PCYT1B: variants seen among roughly 807,000 people sequenced by gnomAD.
PCYT1B encodes the protein choline-phosphate cytidylyltransferase B.
A neutral mutation model predicts 26.4 loss-of-function variants in PCYT1B; 10 were observed. The ratio of observed to expected loss-of-function variants is 0.38; its 90% CI spans 0.23 to 0.64. The LOEUF is 0.64. Among genes scored for constraint, PCYT1B ranks in the 30% least tolerant of loss-of-function variants. PCYT1B has a pLI of 0.56. For synonymous variants in PCYT1B, 131 were observed against 108.4 expected, an observed-to-expected ratio of 1.21 and a Z score of -1.29; for missense variants, 161 against 292.7, an observed-to-expected ratio of 0.55 and a Z score of 3.28.
At chrX:24,570,189 GAAAA>G (rs1176471313) in intron 7 of PCYT1B, among the ~76,000 whole-genome samples, 1 of 31,694 alleles carries the variant, frequency 3.2e-5, no homozygotes, top group Non-Finnish European at 6.0e-5. Flanking sequence ...CTCAGTCTCA[GAAAA>G]AAAAAAAAAA....
intron 1 of PCYT1B, among the ~76,000 whole-genome samples, chrX:24,626,241 T>C (rs1925880388): frequency 8.9e-6 from 1 of 112,395 alleles, no homozygotes. Context: ...TTAAAAGTAG[T>C]TTGTCATTCA....
chrX:24,597,106 A>G (rs1235566226), intron 3 of PCYT1B, among the ~76,000 whole-genome samples: 1 of 109,486 alleles, frequency 9.1e-6, no homozygotes, highest in Non-Finnish European at 1.9e-5. Context: ...ATGGACACAC[A>G]CAGACTTTTC....
intron 1 of PCYT1B, among the ~76,000 whole-genome samples, chrX:24,661,547 A>G (rs1272242543): frequency 1.8e-5 from 2 of 111,939 alleles, no homozygotes; most frequent in African/African-American, 6.5e-5. Flanking sequence ...CCTGGCTTTG[A>G]TCACACCTCT....
rs1433311369 is a variant in PCYT1B at position 24,559,010 on chromosome X, A to G, written c.*3283T>C. On this transcript the variant is annotated 3_prime_UTR_variant, in exon 8 of 8. Coordinates refer to ENST00000379144, the MANE Select transcript of PCYT1B (RefSeq NM_004845.5). Reference sequence around the variant, plus strand: ...CTCTTCACCTGTCAGGGGGTGAGTTAACACTTGAAAGGGAGCGGAAAATCG... The same window carrying G: ...CTCTTCACCTGTCAGGGGGTGAGTTGACACTTGAAAGGGAGCGGAAAATCG... 8.9e-6 allele frequency: 1 copy of G among 112,103 alleles called. No individual in the cohort carries two copies. Among genetic ancestry groups the G allele is most frequent in the Non-Finnish European group, 1.9e-5 (1 of 53,224 alleles). 9.2% of individuals were successfully genotyped at this position (112,103 alleles called of 1,213,427 possible).
chrX:24,651,938 C>T (rs1393258417), upstream of PCYT1B, among the ~76,000 whole-genome samples: 1 of 111,208 alleles, frequency 9.0e-6, no homozygotes, highest in Non-Finnish European at 1.9e-5. Flanking sequence ...TAGAAAGATG[C>T]ACAGACCTCA....
chrX:24,666,869 C>T (rs1334732261), intron 1 of PCYT1B, among the ~76,000 whole-genome samples: 1 of 110,928 alleles, frequency 9.0e-6, no homozygotes, highest in African/African-American at 3.3e-5. Flanking sequence ...AAGATAAACT[C>T]ATAAGACTTA....
intron 1 of PCYT1B, among the ~76,000 whole-genome samples, chrX:24,631,147 C>A (rs1926076703): frequency 9.0e-6 from 1 of 111,337 alleles, no homozygotes; most frequent in African/African-American, 3.3e-5. Context: ...TGGTCTTGAT[C>A]TCCTGACCTC....
In PCYT1B at chrX:24,565,547, T is replaced by C. The variant is rs1189099986; in HGVS notation, c.898-3042A>G. 3.6e-5 allele frequency among the ~76,000 whole-genome samples: 4 copies of C among 110,152 alleles called. No individual in the cohort carries two copies. In the East Asian group the frequency reaches 8.6e-4, roughly 24 times the overall value. On this transcript the variant is annotated intron_variant, in intron 7 of 7. Transcript: ENST00000379144. The stretch of plus-strand genomic sequence containing the variant: ...CTAAGTAAGGAGTACTAAGTCTAAG[T>C]TGCTTAGTGTGGCCAGAACCCCAAA...
At chrX:24,576,840 T>G (rs1381527782) in intron 6 of PCYT1B, among the ~76,000 whole-genome samples, 1 of 111,623 alleles carries the variant, frequency 9.0e-6, no homozygotes, top group East Asian at 2.8e-4. Flanking sequence ...TCCTCATTTC[T>G]ATGTTGGACA....
intron 2 of PCYT1B, among the ~76,000 whole-genome samples, chrX:24,617,743 C>T (rs1336047197): frequency 1.8e-5 from 2 of 111,215 alleles, no homozygotes; most frequent in Middle Eastern, 4.2e-3. Flanking sequence ...CCACCGCGCC[C>T]GGCCGAGTTA....
At chrX:24,661,155 C>T (rs964413067) in intron 1 of PCYT1B, among the ~76,000 whole-genome samples, 5 of 111,915 alleles carry the variant, frequency 4.5e-5, no homozygotes, top group African/African-American at 9.7e-5. Flanking sequence ...TTGATGGAAA[C>T]GTATCTAATG....
At chrX:24,605,943 A>C (rs1305200504) in intron 3 of PCYT1B, among the ~76,000 whole-genome samples, 2 of 106,941 alleles carry the variant, frequency 1.9e-5, no homozygotes, top group African/African-American at 6.8e-5. Context: ...AATCCCAGCT[A>C]CTTGGGAGGC....
chrX:24,624,341 T>C (rs1388672460), intron 1 of PCYT1B, among the ~76,000 whole-genome samples: 1 of 112,213 alleles, frequency 8.9e-6, no homozygotes, highest in African/African-American at 3.2e-5. Context: ...ACCTCCATTA[T>C]TTAATATCCC....
chrX:24,615,115 C>T (rs766220626), intron 2 of PCYT1B, among the ~76,000 whole-genome samples: 17 of 112,061 alleles, frequency 1.5e-4, no homozygotes, highest in African/African-American at 4.5e-4. Flanking sequence ...CCACCGCCCT[C>T]GGCCTGATAT....
chrX:24,623,169 G>T (rs1416290942), intron 1 of PCYT1B, among the ~76,000 whole-genome samples: 4 of 109,949 alleles, frequency 3.6e-5, no homozygotes, highest in Non-Finnish European at 5.7e-5. Context: ...ATGGGAGAAG[G>T]TATTCGTTTG....
chrX:24,624,079 C>T (rs890752067), intron 1 of PCYT1B, among the ~76,000 whole-genome samples: 1 of 107,627 alleles, frequency 9.3e-6, no homozygotes, highest in Admixed American at 1.0e-4. Context: ...ATGCCATTCT[C>T]CTGCCTCAGC....
At chrX:24,577,203 C>T (rs1284120545) in intron 6 of PCYT1B, among the ~76,000 whole-genome samples, 6 of 111,175 alleles carry the variant, frequency 5.4e-5, no homozygotes, top group Non-Finnish European at 7.5e-5. Context: ...AGGTCCCTGT[C>T]ACCTCTGAGG....
At chrX:24,573,207 A>C (rs1923908566) in intron 7 of PCYT1B, among the ~76,000 whole-genome samples, 1 of 109,277 alleles carries the variant, frequency 9.2e-6, no homozygotes, top group African/African-American at 3.3e-5. Context: ...TCTGTCACCC[A>C]GGCTGGAGTG....
At chrX:24,628,639 G>T (rs1232172001) in intron 1 of PCYT1B, among the ~76,000 whole-genome samples, 1 of 110,575 alleles carries the variant, frequency 9.0e-6, no homozygotes, top group African/African-American at 3.3e-5. Flanking sequence ...AACAAGTTTG[G>T]AATCTTGCCG....
Sources: allele counts gnomAD v4.1 joint callset (sites outside exome capture counted in the v4.1 genomes callset), GRCh38; gene constraint gnomAD v4.1.1; transcripts MANE v1.5; gene names NCBI Gene and HGNC (gene_info 2026-07-23, HGNC 2026-07-21).